CLEC1A: variants seen among roughly 807,000 people sequenced by gnomAD.
The protein encoded by CLEC1A is C-type lectin-like receptor-1.
CLEC1A carries 34 observed loss-of-function variants against 28.7 expected under a neutral mutation model. That is an observed-to-expected ratio of 1.18 (90% CI 0.90 to 1.57). CLEC1A has a LOEUF of 1.57. Among genes scored for constraint, CLEC1A ranks in the 40% most tolerant of loss-of-function variants. CLEC1A has a pLI of 0.00. For synonymous variants in CLEC1A, 116 were observed against 121.0 expected (o/e 0.96, Z 0.27); for missense variants, 385 against 339.5 (o/e 1.13, Z -1.05).
intron 3 of CLEC1A, among the ~76,000 whole-genome samples, chr12:10,079,006 T>C (rs1866311171): frequency 6.6e-6 from 1 of 152,226 alleles, no homozygotes. Context: ...GTTTCTTGTA[T>C]AGCCTGCAGA....
In CLEC1A at chr12:10,082,010, G is replaced by C. The variant is rs1591911307; in HGVS notation, c.215-597C>G. Among the ~76,000 whole-genome samples, 3 of 152,310 alleles carry C rather than the reference G, an allele frequency of 2.0e-5. No individual in the cohort carries two copies. In the East Asian group the frequency reaches 5.8e-4, roughly 29 times the overall value. ...GTCCTGTAGGCACTCCCATTCTCCA[G>C]CTCAAGCCCAGGGAAGCCATCCCTG... On this transcript the variant is annotated intron_variant, in intron 2 of 5. Transcript: ENST00000315330.
At chr12:10,074,146 C>T (rs1866199928) in intron 4 of CLEC1A, among the ~76,000 whole-genome samples, 1 of 152,026 alleles carries the variant, frequency 6.6e-6, no homozygotes, top group African/African-American at 2.4e-5. Flanking sequence ...CCTCAACCTC[C>T]CCAGGCTCAG....
At chr12:10,086,557 AG>A (rs1453530752) in intron 2 of CLEC1A, among the ~76,000 whole-genome samples, 2 of 152,124 alleles carry the variant, frequency 1.3e-5, no homozygotes, top group African/African-American at 4.8e-5. Context: ...CAAAGTCCAG[AG>A]GGGATAGATA....
chr12:10,080,516 T>C (rs1866346101), intron 3 of CLEC1A, among the ~76,000 whole-genome samples: 1 of 152,124 alleles, frequency 6.6e-6, no homozygotes, highest in Admixed American at 6.5e-5. Flanking sequence ...TTTGCCCTCC[T>C]TCAGAGTTCC....
At position 10,070,779 on chromosome 12, in the gene CLEC1A, G is replaced by A. The variant is rs1351481968; in HGVS notation, c.*554C>T. 6.6e-6 allele frequency: 1 copy of A among 152,312 alleles called. No individual in the cohort carries two copies. Among genetic ancestry groups the A allele is most frequent in the East Asian group, 1.9e-4 (1 of 5,202 alleles). The allele number at this position is 152,312 out of a possible 1,614,324, so 9.4% of individuals were successfully genotyped here. On this transcript the variant is annotated 3_prime_UTR_variant, in exon 6 of 6. Transcript: ENST00000315330. ...TTGAGATTTGAGATTCTCATATCAAGTGACATCCCTGTTGGGAAACGGCAT... is the reference window on the plus strand; with the variant it reads ...TTGAGATTTGAGATTCTCATATCAAATGACATCCCTGTTGGGAAACGGCAT...
chr12:10,072,147 C>G (rs2137325985), intron 5 of CLEC1A, among the ~76,000 whole-genome samples: 1 of 152,252 alleles, frequency 6.6e-6, no homozygotes, highest in African/African-American at 2.4e-5. Flanking sequence ...GATGCAAGAT[C>G]TGGTGGCTTA....
At chr12:10,091,028 C>T (rs906374942) in intron 1 of CLEC1A, among the ~76,000 whole-genome samples, 2 of 152,196 alleles carry the variant, frequency 1.3e-5, no homozygotes, top group African/African-American at 2.4e-5. Flanking sequence ...TGACCCTAAG[C>T]ACCTTGTATC....
At chr12:10,071,881 T>G (rs755116041) in intron 5 of CLEC1A, among the ~76,000 whole-genome samples, 8 of 152,228 alleles carry the variant, frequency 5.3e-5, no homozygotes, top group Non-Finnish European at 1.2e-4. Context: ...TAATGATATA[T>G]TGTATATAGG....
In CLEC1A at chr12:10,089,089, C is replaced by A. The variant is rs530293328; in HGVS notation, c.214+35G>T. 948 of 1,509,898 alleles carry A rather than the reference C, an allele frequency of 6.3e-4. 16 individuals carry two copies. The South Asian group carries it at 9.7e-3, about 15-fold the overall frequency. 93.5% of individuals were successfully genotyped at this position (1,509,898 alleles called of 1,614,324 possible). A position where few individuals can be genotyped will look rare whatever the true frequency, so the allele number is the denominator to read the frequency against. On this transcript the variant is annotated intron_variant, in intron 2 of 5. Transcript: ENST00000315330. ...TTCTCATCCTAGACAAACCTTGGAA[C>A]CAGGATCCTCCCCCAGGTCAGAGCG...
intron 1 of CLEC1A, among the ~76,000 whole-genome samples, chr12:10,092,935 C>CT (rs531041573): frequency 4.9e-4 from 75 of 152,188 alleles, no homozygotes; most frequent in African/African-American, 1.7e-3. Context: ...CTCTCTCTCT[C>CT]TTTTTCAAAA....
intron 1 of CLEC1A, among the ~76,000 whole-genome samples, chr12:10,093,222 C>T (rs1213457998): frequency 2.6e-5 from 4 of 151,906 alleles, no homozygotes; most frequent in African/African-American, 9.7e-5. Flanking sequence ...AAATAAGATG[C>T]CTAGGAGGTC....
Position 10,073,349 on chromosome 12 carries a change from G to C in CLEC1A, c.606C>G (p.Arg202=). ...ACAGCCAGGCCTTGCCACTGTCAGG[G>C]CGCAAAAGCCCTGTCCAATAAGAGT... ...FFYSYWTGLL[R]PDSGKAWLWM... The change falls in exon 5 of 6, where the codon CGC becomes CGG. Residue 202 remains arginine, a synonymous_variant. Coordinates refer to ENST00000315330, the MANE Select transcript of CLEC1A (RefSeq NM_016511.4). 2 of 1,614,054 alleles carry C rather than the reference G, an allele frequency of 1.2e-6. No individual in the cohort carries two copies. The highest frequency in any genetic ancestry group is 1.7e-6 in the Non-Finnish European group (2 of 1,179,962).
In CLEC1A at chr12:10,079,325, C is replaced by T. The variant is rs112070631; in HGVS notation, c.391+1912G>A. Among the ~76,000 whole-genome samples, 8 of 152,200 alleles carry T rather than the reference C, an allele frequency of 5.3e-5. 1 individual carries two copies. Among genetic ancestry groups the T allele is most frequent in the East Asian group, 1.9e-4 (1 of 5,180 alleles). On this transcript the variant is annotated intron_variant, in intron 3 of 5. Coordinates refer to ENST00000315330, the MANE Select transcript of CLEC1A (RefSeq NM_016511.4). ...GATGAGGGTAAGAAATAAAAAGTAG[C>T]AGATTAAAACTGAGAACTGACATCT...
chr12:10,072,842 G>A (rs1187694974), intron 5 of CLEC1A, among the ~76,000 whole-genome samples: 6 of 152,158 alleles, frequency 3.9e-5, no homozygotes, highest in African/African-American at 1.4e-4. Context: ...ACTTTGGGAG[G>A]CCAAGATGGG....
At chr12:10,074,725 G>C (rs1253305641) in intron 4 of CLEC1A, among the ~76,000 whole-genome samples, 1 of 152,120 alleles carries the variant, frequency 6.6e-6, no homozygotes, top group Admixed American at 6.6e-5. Flanking sequence ...AATTACAGAG[G>C]TTCTTTCATC....
rs201268938 is a variant in CLEC1A, at chr12:10,081,051, TGC to T, written c.391+184_391+185del. 5.4e-3 allele frequency among the ~76,000 whole-genome samples: 816 copies of T among 152,352 alleles called. 3 individuals carry two copies. The highest frequency in any genetic ancestry group is 0.019 in the African/African-American group (798 of 41,572). The stretch of plus-strand genomic sequence containing the variant: ...TGTCTGCATTTGAAGAGTCCCTTGA[TGC>T]ATGGTATCACAGACACATATGAATC... On this transcript the variant is annotated intron_variant, in intron 3 of 5. Coordinates refer to ENST00000315330, the MANE Select transcript of CLEC1A (RefSeq NM_016511.4).
At chr12:10,081,543 C>T in intron 2 of CLEC1A, 130 bp from the exon 3 acceptor site, 1 of 465,426 alleles carries the variant, frequency 2.1e-6, no homozygotes, top group Non-Finnish European at 3.6e-6. Context: ...TGCCTATATT[C>T]AAGTTTGGAC....
chr12:10,093,086 C>T (rs893193455), intron 1 of CLEC1A, among the ~76,000 whole-genome samples: 11 of 152,142 alleles, frequency 7.2e-5, no homozygotes, highest in African/African-American at 2.7e-4. Context: ...TACTATTTTT[C>T]CTTCTAGATG....
chr12:10,077,573 C>A (rs1275301332), intron 3 of CLEC1A, among the ~76,000 whole-genome samples: 1 of 152,076 alleles, frequency 6.6e-6, no homozygotes, highest in Non-Finnish European at 1.5e-5. Context: ...GGAACATGTA[C>A]ACTTTCTATG....
Sources: allele counts gnomAD v4.1 joint callset (sites outside exome capture counted in the v4.1 genomes callset), GRCh38; gene constraint gnomAD v4.1.1; transcripts MANE v1.5; gene names NCBI Gene and HGNC (gene_info 2026-07-23, HGNC 2026-07-21).